Variants in GCNT1 observed in about 807,000 individuals in gnomAD.
The protein encoded by GCNT1 is glucosaminyl (N-acetyl) transferase 1.
A neutral mutation model predicts 26.2 loss-of-function variants in GCNT1; 16 were observed. The observed-to-expected ratio is 0.61, with a 90% CI of 0.41 to 0.93. The LOEUF (loss-of-function observed/expected upper bound fraction) is 0.93. Among genes scored for constraint, GCNT1 ranks in the 40% least tolerant of loss-of-function variants. The pLI is 0.00. For missense variants in GCNT1, 477 were observed against 526.7 expected, an observed-to-expected ratio of 0.91 and a Z score of 0.92; for synonymous variants, 183 against 190.8, an observed-to-expected ratio of 0.96 and a Z score of 0.34.
chr9:76,455,704 C>T (rs1359881925), upstream of GCNT1, among the ~76,000 whole-genome samples: 2 of 152,092 alleles, frequency 1.3e-5, no homozygotes. Flanking sequence ...CAGATTCAAC[C>T]GATTCTCGTG....
At chr9:76,395,629 A>C in the GCNT1 span, among the ~76,000 whole-genome samples, 2 of 152,066 alleles carry the variant, frequency 1.3e-5, no homozygotes, top group African/African-American at 4.8e-5. Context: ...GAGGGAAGGG[A>C]AAGGAAAGGG....
the GCNT1 span, among the ~76,000 whole-genome samples, chr9:76,396,491 A>G: frequency 6.6e-6 from 1 of 151,964 alleles, no homozygotes; most frequent in East Asian, 1.9e-4. Flanking sequence ...AAGAAACAAG[A>G]AAAAAAAGAA....
At chr9:76,458,348 A>G (rs1250481282), upstream of GCNT1, among the ~76,000 whole-genome samples, 1 of 151,704 alleles carries the variant, frequency 6.6e-6, no homozygotes, top group African/African-American at 2.4e-5. Flanking sequence ...ACGCCTGGCT[A>G]ATTTTTTGTA....
chr9:76,414,473 G>T, the GCNT1 span, among the ~76,000 whole-genome samples: 1 of 152,160 alleles, frequency 6.6e-6, no homozygotes, highest in South Asian at 2.1e-4. Flanking sequence ...AGTTTATAGA[G>T]AAGTAATGAA....
At chr9:76,418,911 GCA>G (rs1221636391), upstream of GCNT1, among the ~76,000 whole-genome samples, 1 of 152,162 alleles carries the variant, frequency 6.6e-6, no homozygotes, top group Non-Finnish European at 1.5e-5. Context: ...GGGATGGAAG[GCA>G]ATTGTGTTTT....
chr9:76,483,131 G>A (rs1824467288), intron 2 of GCNT1, among the ~76,000 whole-genome samples: 1 of 151,990 alleles, frequency 6.6e-6, no homozygotes, highest in African/African-American at 2.4e-5. Flanking sequence ...AAACAGTAAT[G>A]TGTTTAAGGG....
At chr9:76,427,438 C>G (rs559119935) in intron 1 of GCNT1, among the ~76,000 whole-genome samples, 133 of 152,208 alleles carry the variant, frequency 8.7e-4, no homozygotes, top group South Asian at 2.1e-4. Flanking sequence ...CCTCAGCCCC[C>G]CAAAGTGCTG....
rs115737991 is a variant in GCNT1, at chr9:76,504,454, C to T, written c.*786C>T. ...AGATTTGCCTCTATCTTCCTTTCCTCAGTCTTCCCAGACTGCTATCAAGCT... is the reference window on the plus strand; with the variant it reads ...AGATTTGCCTCTATCTTCCTTTCCTTAGTCTTCCCAGACTGCTATCAAGCT... On this transcript the variant is annotated 3_prime_UTR_variant, in exon 4 of 4. Transcript: ENST00000376730. The T allele has an allele frequency of 3.9e-3, 1,042 of 270,540 alleles. 10 individuals carry two copies. The highest frequency in any genetic ancestry group is 0.021 in the African/African-American group (977 of 45,560). The allele number at this position is 270,540 out of a possible 1,614,324, so 16.8% of individuals were successfully genotyped here.
chr9:76,470,372 G>A (rs1449049859), intron 2 of GCNT1, among the ~76,000 whole-genome samples: 4 of 152,066 alleles, frequency 2.6e-5, no homozygotes, highest in Non-Finnish European at 5.9e-5. Flanking sequence ...GGGAGGTCGA[G>A]GCAGGCAGAT....
chr9:76,416,920 TGTGGTG>T (rs201740105), upstream of GCNT1, among the ~76,000 whole-genome samples: 1,334 of 151,936 alleles, frequency 8.8e-3, 17 homozygotes, highest in African/African-American at 0.031. Flanking sequence ...ATTAGCTGGG[TGTGGTG>T]GTGGGCACCT....
chr9:76,480,899 CA>C (rs1564239520), intron 2 of GCNT1, among the ~76,000 whole-genome samples: 1 of 151,746 alleles, frequency 6.6e-6, no homozygotes, highest in Non-Finnish European at 1.5e-5. Context: ...TGTATTTTAA[CA>C]TTTTTTATAT....
chr9:76,485,827 G>C (rs1564241818), intron 2 of GCNT1, among the ~76,000 whole-genome samples: 1 of 151,982 alleles, frequency 6.6e-6, no homozygotes, highest in Non-Finnish European at 1.5e-5. Context: ...CCGCCTCCCA[G>C]GTTCAAGTGA....
At chr9:76,422,966 T>A (rs1053422197) in intron 1 of GCNT1, among the ~76,000 whole-genome samples, 13 of 152,258 alleles carry the variant, frequency 8.5e-5, no homozygotes, top group African/African-American at 2.9e-4. Flanking sequence ...TAGACTAATG[T>A]AATAAGTATT....
chr9:76,460,285 A>T (rs1313996973), intron 2 of GCNT1, 108 bp downstream of exon 2: 1 of 152,264 alleles, frequency 6.6e-6, no homozygotes, highest in Non-Finnish European at 1.5e-5. Flanking sequence ...TTTTTTACAC[A>T]TAATGGGGCA....
intron 2 of GCNT1, among the ~76,000 whole-genome samples, chr9:76,478,034 C>T (rs913039867): frequency 2.6e-5 from 4 of 152,162 alleles, no homozygotes; most frequent in African/African-American, 4.8e-5. Flanking sequence ...CACCAATCAG[C>T]GCTTTGTAAA....
chr9:76,495,574 C>A (rs991490853), intron 2 of GCNT1, among the ~76,000 whole-genome samples: 31 of 152,138 alleles, frequency 2.0e-4, no homozygotes, highest in African/African-American at 7.5e-4. Flanking sequence ...CTGATTGGTC[C>A]ATTTTACACA....
At chr9:76,496,498 G>C (rs1487640069) in intron 2 of GCNT1, among the ~76,000 whole-genome samples, 1 of 151,998 alleles carries the variant, frequency 6.6e-6, no homozygotes, top group African/African-American at 2.4e-5. Context: ...TCTGCCTCCT[G>C]TCTCCCTCTC....
intron 2 of GCNT1, among the ~76,000 whole-genome samples, chr9:76,476,706 A>C (rs1367371674): frequency 6.6e-6 from 1 of 152,184 alleles, no homozygotes; most frequent in African/African-American, 2.4e-5. Flanking sequence ...TACTTTAAGC[A>C]AATTGGGGTA....
At position 76,505,201 on chromosome 9, in the gene GCNT1, G is replaced by A. The variant is rs970779602; in HGVS notation, c.*1533G>A. The A allele has an allele frequency of 3.0e-5, 11 of 362,820 alleles. No homozygotes were observed. Among genetic ancestry groups the A allele is most frequent in the African/African-American group, 2.1e-4 (10 of 47,766 alleles). 22.5% of individuals were successfully genotyped at this position (362,820 alleles called of 1,614,324 possible). On this transcript the variant is annotated 3_prime_UTR_variant, in exon 4 of 4. Transcript: ENST00000376730. ...TTAAATAGTACATGAGAAATTCAGA[G>A]TATTAGACAGTTTTAAGGCATTCAA...
Sources: gnomAD v4.1 joint callset for allele counts (sites outside exome capture counted in the v4.1 genomes callset) on GRCh38, gnomAD v4.1.1 for gene constraint, MANE v1.5 for transcripts, NCBI Gene and HGNC (gene_info 2026-07-23, HGNC 2026-07-21) for gene names.